CNTNAP4: variants seen among roughly 807,000 people sequenced by gnomAD.
CNTNAP4 encodes the protein contactin-associated protein-like 4.
CNTNAP4 carries 98 observed loss-of-function variants against 148.4 expected under a neutral mutation model. That is an observed-to-expected ratio of 0.66 (90% CI 0.56 to 0.78). The LOEUF (loss-of-function observed/expected upper bound fraction) is 0.78. Ranked by LOEUF, CNTNAP4 falls within the 30% of genes least tolerant of loss-of-function variation. The probability of loss-of-function intolerance (pLI) is 0.00; values close to 1 mark genes in which losing one functional copy is unlikely to be tolerated. For missense variants in CNTNAP4, 1,935 were observed against 1,565.6 expected, an observed-to-expected ratio of 1.24 and a Z score of -3.98; for synonymous variants, 730 against 565.1, an observed-to-expected ratio of 1.29 and a Z score of -4.14.
At chr16:76,444,769 CCT>C (rs1051939597) in intron 4 of CNTNAP4, among the ~76,000 whole-genome samples, 58 of 151,716 alleles carry the variant, frequency 3.8e-4, no homozygotes, top group African/African-American at 1.4e-3. Context: ...TTTTTCATTT[CCT>C]GAGAGTCTGT....
intron 1 of CNTNAP4, among the ~76,000 whole-genome samples, chr16:76,297,084 A>G (rs1251965913): frequency 1.3e-5 from 2 of 152,212 alleles, no homozygotes; most frequent in Non-Finnish European, 2.9e-5. Flanking sequence ...CTTAAACATA[A>G]GAGGGAAATC....
intron 20 of CNTNAP4, among the ~76,000 whole-genome samples, chr16:76,540,105 T>A (rs981082131): frequency 1.3e-5 from 2 of 152,006 alleles, no homozygotes; most frequent in Admixed American, 1.3e-4. Flanking sequence ...GATGTCATAG[T>A]GTGCTACTGG....
At chr16:76,405,929 A>T (rs904261487) in intron 3 of CNTNAP4, among the ~76,000 whole-genome samples, 1 of 152,062 alleles carries the variant, frequency 6.6e-6, no homozygotes, top group Non-Finnish European at 1.5e-5. Context: ...AGAAGCCATT[A>T]AGTTGGGCCA....
intron 4 of CNTNAP4, among the ~76,000 whole-genome samples, chr16:76,438,761 G>A (rs1354411008): frequency 6.6e-6 from 1 of 151,842 alleles, no homozygotes; most frequent in Non-Finnish European, 1.5e-5. Context: ...CTTCTTTCCT[G>A]GCCGCTGCTG....
At chr16:76,553,088 G>C (rs968040536) in intron 21 of CNTNAP4, among the ~76,000 whole-genome samples, 195 bp from the exon 22 acceptor site, 2 of 152,114 alleles carry the variant, frequency 1.3e-5, no homozygotes, top group Admixed American at 6.5e-5. Flanking sequence ...TTAAAAACTT[G>C]ACTTCATTAA....
rs547861881 is a variant in CNTNAP4 at position 76,532,564 on chromosome 16, A to G, written c.2756-2981A>G. ...GTTTCAGAGCAGCAAATGTATAACA[A>G]TGTGATTTAATGTTACTGTATACTG... On this transcript the variant is annotated intron_variant, in intron 17 of 23. Coordinates refer to ENST00000611870, the MANE Select transcript of CNTNAP4 (RefSeq NM_033401.5). Among the ~76,000 whole-genome samples, 8 of 152,352 alleles carry G rather than the reference A, an allele frequency of 5.3e-5. No individual in the cohort carries two copies. In the South Asian group the frequency reaches 1.4e-3, roughly 28 times the overall value.
At chr16:76,453,937 G>C (rs1245027139) in intron 8 of CNTNAP4, among the ~76,000 whole-genome samples, 2 of 152,016 alleles carry the variant, frequency 1.3e-5, no homozygotes, top group African/African-American at 2.4e-5. Flanking sequence ...ATAATTAATA[G>C]GCCCTGAAAA....
chr16:76,306,825 A>G (rs899380171), intron 1 of CNTNAP4, among the ~76,000 whole-genome samples: 6 of 152,344 alleles, frequency 3.9e-5, no homozygotes, highest in African/African-American at 1.4e-4. Flanking sequence ...TTTAAATGTT[A>G]TGTATGGTAT....
At position 76,448,193 on chromosome 16, in the gene CNTNAP4, ACT is replaced by A; in HGVS notation, c.723_724del (p.Leu243ThrfsTer3). 2 of 1,610,650 alleles carry A rather than the reference ACT, an allele frequency of 1.2e-6. No individual in the cohort carries two copies. Among genetic ancestry groups the A allele is most frequent in the Non-Finnish European group, 1.7e-6 (2 of 1,177,912 alleles). ...TCACACTGCAATTAAGAAGAGCAAG[ACT>A]CTTTTTACTTATTAATTCAGGTAAA... ...HITLQLRRAR[L>X]FLLINSGEAK... On this transcript the variant is annotated frameshift_variant, in exon 5 of 24. Transcript: ENST00000611870. LOFTEE classifies it high-confidence loss of function.
intron 3 of CNTNAP4, among the ~76,000 whole-genome samples, chr16:76,363,160 CTTTT>C (rs34005199): frequency 2.2e-5 from 3 of 137,466 alleles, no homozygotes; most frequent in Admixed American, 7.3e-5. Flanking sequence ...AAACCCTTAT[CTTTT>C]TTTTTTTTTT....
intron 3 of CNTNAP4, among the ~76,000 whole-genome samples, chr16:76,396,094 G>T (rs1390786450): frequency 6.6e-6 from 1 of 152,112 alleles, no homozygotes; most frequent in Non-Finnish European, 1.5e-5. Context: ...AATAAGGAAA[G>T]ACCTCAACAT....
intron 9 of CNTNAP4, among the ~76,000 whole-genome samples, chr16:76,465,739 A>T (rs2081153942): frequency 6.6e-6 from 1 of 152,222 alleles, no homozygotes; most frequent in African/African-American, 2.4e-5. Flanking sequence ...AGCGCTGGAA[A>T]TGTGTGTAGT....
At chr16:76,433,944 C>A (rs1248205043) in intron 4 of CNTNAP4, among the ~76,000 whole-genome samples, 1 of 151,730 alleles carries the variant, frequency 6.6e-6, no homozygotes, top group African/African-American at 2.4e-5. Context: ...TAATTCTTTG[C>A]AAAATTTATA....
intron 15 of CNTNAP4, among the ~76,000 whole-genome samples, chr16:76,501,668 C>T (rs1283984259): frequency 6.6e-6 from 1 of 152,158 alleles, no homozygotes; most frequent in Admixed American, 6.5e-5. Flanking sequence ...GACGGCTCTC[C>T]ACAGAGAAGA....
intron 14 of CNTNAP4, among the ~76,000 whole-genome samples, chr16:76,497,881 AAAG>A (rs1364297302): frequency 1.3e-5 from 2 of 151,912 alleles, no homozygotes; most frequent in Non-Finnish European, 2.9e-5. Flanking sequence ...AAAAAATAAA[AAAG>A]AAATCATATG....
chr16:76,426,906 G>C lies in CNTNAP4; in HGVS notation c.391-546G>C, dbSNP rs562293610. ...AATTTGAATGTGTGTATCTGGCATT[G>C]TGCTGCTGAGGTTTAACAACCTGTT... is the stretch of plus-strand genomic sequence containing the variant. On this transcript the variant is annotated intron_variant, in intron 3 of 23. Coordinates refer to ENST00000611870, the MANE Select transcript of CNTNAP4 (RefSeq NM_033401.5). 2.0e-5 allele frequency among the ~76,000 whole-genome samples: 3 copies of C among 152,246 alleles called. No homozygotes were observed. The South Asian group carries it at 6.2e-4, about 32-fold the overall frequency.
chr16:76,502,719 T>C (rs1261348408), intron 15 of CNTNAP4, among the ~76,000 whole-genome samples: 1 of 152,116 alleles, frequency 6.6e-6, no homozygotes, highest in Non-Finnish European at 1.5e-5. Context: ...AGATTGAGAG[T>C]TAAAGCCTTG....
chr16:76,555,914 C>G (rs2085178947), intron 23 of CNTNAP4, among the ~76,000 whole-genome samples: 1 of 152,138 alleles, frequency 6.6e-6, no homozygotes, highest in Non-Finnish European at 1.5e-5. Context: ...GCCATGTAAC[C>G]TCTGAAGGCC....
chr16:76,515,779 A>G lies in CNTNAP4; in HGVS notation c.2366-5361A>G, dbSNP rs1219680624. On this transcript the variant is annotated intron_variant, in intron 15 of 23. Transcript: ENST00000611870. ...CATCCTCAATGAGGCACCACTTTAC[A>G]CCTCTCAAAAGGACTAAGATTTAAA... Among the ~76,000 whole-genome samples, 3 of 151,876 alleles carry G rather than the reference A, an allele frequency of 2.0e-5. No homozygotes were observed. In the East Asian group the frequency reaches 5.8e-4, roughly 29 times the overall value.
Sources: allele counts gnomAD v4.1 joint callset (sites outside exome capture counted in the v4.1 genomes callset), GRCh38; gene constraint gnomAD v4.1.1; transcripts MANE v1.5; gene names NCBI Gene and HGNC (gene_info 2026-07-23, HGNC 2026-07-21).